The following ZDHHC14 variants were observed in gnomAD, a reference collection of about 807,000 sequenced individuals.
The protein encoded by ZDHHC14 is zDHHC palmitoyltransferase 14.
Under a neutral mutation model 47.7 loss-of-function variants are expected in ZDHHC14, and 16 were observed. The ratio of observed to expected loss-of-function variants is 0.34; its 90% CI spans 0.23 to 0.51. The LOEUF (loss-of-function observed/expected upper bound fraction) is 0.51, where lower values mean the gene tolerates loss of function less well. Among genes scored for constraint, ZDHHC14 ranks in the 20% least tolerant of loss-of-function variants. The probability of loss-of-function intolerance (pLI) is 0.97; values close to 1 mark genes in which losing one functional copy is unlikely to be tolerated. For missense variants in ZDHHC14, 515 were observed against 662.5 expected, an observed-to-expected ratio of 0.78 and a Z score of 2.44; for synonymous variants, 293 against 278.9, an observed-to-expected ratio of 1.05 and a Z score of -0.50.
At chr6:157,436,277 C>T (rs577719647) in intron 1 of ZDHHC14, among the ~76,000 whole-genome samples, 7 of 152,074 alleles carry the variant, frequency 4.6e-5, no homozygotes, top group South Asian at 2.1e-4. Flanking sequence ...AATGGAGATA[C>T]GAGGTTGTTT....
At chr6:157,645,662 T>C in intron 5 of ZDHHC14, 75 bp from the exon 6 acceptor site, 3 of 1,219,762 alleles carry the variant, frequency 2.5e-6, no homozygotes, top group Non-Finnish European at 3.5e-6. Flanking sequence ...CCGGGGGTGT[T>C]TCGGTTCCAG....
chr6:157,434,186 G>T (rs561584775), intron 1 of ZDHHC14, among the ~76,000 whole-genome samples: 1 of 150,044 alleles, frequency 6.7e-6, no homozygotes, highest in East Asian at 2.0e-4. Flanking sequence ...AATTGCTGAT[G>T]ACTTTTTTTA....
intron 3 of ZDHHC14, among the ~76,000 whole-genome samples, chr6:157,610,837 A>G (rs911531237): frequency 6.6e-6 from 1 of 152,254 alleles, no homozygotes; most frequent in African/African-American, 2.4e-5. Context: ...CCTGGTATCA[A>G]GCTGCCTGGG....
intron 1 of ZDHHC14, among the ~76,000 whole-genome samples, chr6:157,438,215 G>A (rs1330958341): frequency 6.6e-6 from 1 of 152,300 alleles, no homozygotes; most frequent in South Asian, 2.1e-4. Flanking sequence ...TTGCTAAGGT[G>A]TCACAAATTT....
chr6:157,577,049 G>A (rs1258821638), intron 2 of ZDHHC14, among the ~76,000 whole-genome samples: 1 of 152,064 alleles, frequency 6.6e-6, no homozygotes, highest in Non-Finnish European at 1.5e-5. Flanking sequence ...AGTGTGTGGT[G>A]TTCCCCTCTT....
intron 3 of ZDHHC14, among the ~76,000 whole-genome samples, chr6:157,626,831 C>T (rs1351259124): frequency 7.3e-5 from 11 of 150,494 alleles, no homozygotes. Flanking sequence ...CCCGATACAC[C>T]TGTGCAGCCC....
chr6:157,509,972 C>T (rs768000012), intron 1 of ZDHHC14, among the ~76,000 whole-genome samples: 8 of 152,170 alleles, frequency 5.3e-5, no homozygotes, highest in Non-Finnish European at 1.0e-4. Context: ...TGGCCGGGTG[C>T]GGTGGCTCAC....
At chr6:157,455,665 G>A (rs982749366) in intron 1 of ZDHHC14, among the ~76,000 whole-genome samples, 5 of 152,154 alleles carry the variant, frequency 3.3e-5, no homozygotes, top group African/African-American at 9.7e-5. Context: ...CACACCCCTC[G>A]CTCCTCCGGC....
chr6:157,569,700 A>C (rs1783028602), intron 2 of ZDHHC14, among the ~76,000 whole-genome samples: 2 of 152,218 alleles, frequency 1.3e-5, no homozygotes, highest in South Asian at 2.1e-4. Flanking sequence ...CCACCGCAGG[A>C]AGCAGAGTGT....
intron 7 of ZDHHC14, among the ~76,000 whole-genome samples, chr6:157,647,590 A>G (rs1020972570): frequency 6.6e-6 from 1 of 152,164 alleles, no homozygotes; most frequent in African/African-American, 2.4e-5. Flanking sequence ...ATTGGGGGGA[A>G]ATTTCCTAAA....
intron 2 of ZDHHC14, among the ~76,000 whole-genome samples, chr6:157,556,148 G>T (rs989702683): frequency 6.6e-6 from 1 of 151,824 alleles, no homozygotes; most frequent in Non-Finnish European, 1.5e-5. Context: ...CAAGCGTGGC[G>T]TACTCGGAGT....
intron 3 of ZDHHC14, among the ~76,000 whole-genome samples, chr6:157,609,250 G>A (rs1333883542): frequency 6.6e-6 from 1 of 152,190 alleles, no homozygotes; most frequent in African/African-American, 2.4e-5. Flanking sequence ...AGCACTGCCT[G>A]TGTCAAAAGG....
chr6:157,560,165 A>G (rs1214549031), intron 2 of ZDHHC14, among the ~76,000 whole-genome samples: 2 of 152,266 alleles, frequency 1.3e-5, no homozygotes, highest in Non-Finnish European at 2.9e-5. Context: ...CAAGTGACTG[A>G]TTCTGGAGTG....
chr6:157,552,440 A>AG (rs1710167869), intron 2 of ZDHHC14, among the ~76,000 whole-genome samples: 4 of 152,132 alleles, frequency 2.6e-5, no homozygotes, highest in Admixed American at 2.6e-4. Flanking sequence ...GCTTTTCAGG[A>AG]GAAAAACCCC....
chr6:157,423,783 C>A (rs1230168850), intron 1 of ZDHHC14, among the ~76,000 whole-genome samples: 1 of 152,208 alleles, frequency 6.6e-6, no homozygotes, highest in Non-Finnish European at 1.5e-5. Flanking sequence ...AAACTCTCAC[C>A]ACTCCAGGTG....
chr6:157,499,479 G>GCCCCCCCCCCCC (rs1043228228), intron 1 of ZDHHC14, among the ~76,000 whole-genome samples: 3 of 147,174 alleles, frequency 2.0e-5, no homozygotes, highest in Non-Finnish European at 4.5e-5. Flanking sequence ...ACCTCTCAAA[G>GCCCCCCCCCCCC]CCCCCCACCC....
intron 4 of ZDHHC14, chr6:157,632,163 G>A (rs1218521822): frequency 6.5e-6 from 1 of 153,002 alleles, no homozygotes; most frequent in Non-Finnish European, 1.5e-5. Flanking sequence ...GATGTCCCCA[G>A]AGGCTCACTG....
At chr6:157,620,296 C>T (rs527450606) in intron 3 of ZDHHC14, among the ~76,000 whole-genome samples, 1 of 152,254 alleles carries the variant, frequency 6.6e-6, no homozygotes, top group African/African-American at 2.4e-5. Flanking sequence ...TCAGGTCTCC[C>T]TTCCTCCTCT....
chr6:157,499,437 C>T (rs1053397595), intron 1 of ZDHHC14, among the ~76,000 whole-genome samples: 45 of 152,192 alleles, frequency 3.0e-4, no homozygotes, highest in African/African-American at 1.0e-3. Context: ...CATCATGGGG[C>T]CCCACACTTA....
Sources: allele counts gnomAD v4.1 joint callset (sites outside exome capture counted in the v4.1 genomes callset), GRCh38; gene constraint gnomAD v4.1.1; transcripts MANE v1.5; gene names NCBI Gene and HGNC (gene_info 2026-07-23, HGNC 2026-07-21).